Variants in CDH19 observed in about 807,000 individuals in gnomAD.
The protein encoded by CDH19 is cadherin-19.
In CDH19, 67 loss-of-function variants were observed where a neutral mutation model predicts 64.2. The observed-to-expected ratio is 1.04, with a 90% CI of 0.86 to 1.28. CDH19 has a LOEUF of 1.28. Ranked by LOEUF, CDH19 falls within the 50% of genes most tolerant of loss-of-function variation. The pLI is 0.00. For missense variants in CDH19, 1,030 were observed against 929.0 expected (o/e 1.11, Z -1.41); for synonymous variants, 346 against 319.3 (o/e 1.08, Z -0.89).
At chr18:66,535,440 C>A (rs78611045) in intron 7 of CDH19, among the ~76,000 whole-genome samples, 7 of 151,022 alleles carry the variant, frequency 4.6e-5, no homozygotes, top group Non-Finnish European at 1.0e-4. Context: ...GTGTTGCTTG[C>A]GAATCTGTTC....
rs1985095099 is a variant in CDH19, at chr18:66,504,711, A to C, written c.*101T>G. The C allele has an allele frequency of 8.1e-7, 1 of 1,242,088 alleles. No homozygotes were observed. Among genetic ancestry groups the C allele is most frequent in the African/African-American group, 1.5e-5 (1 of 66,040 alleles). 76.9% of individuals were successfully genotyped at this position (1,242,088 alleles called of 1,614,324 possible). ...GGGAAATCAGAAAACTCCATAGACT[A>C]GGGCTTTCCCCGCCATAGAGCCAGG... On this transcript the variant is annotated 3_prime_UTR_variant, in exon 12 of 12. Coordinates refer to ENST00000262150, the MANE Select transcript of CDH19 (RefSeq NM_021153.4).
chr18:66,556,712 C>A (rs925920691), intron 3 of CDH19, among the ~76,000 whole-genome samples: 1 of 151,698 alleles, frequency 6.6e-6, no homozygotes, highest in Non-Finnish European at 1.5e-5. Context: ...AACTCAATAG[C>A]AAAAAGCCAA....
chr18:66,593,580 T>C (rs1330782042), intron 1 of CDH19, among the ~76,000 whole-genome samples: 1 of 152,074 alleles, frequency 6.6e-6, no homozygotes, highest in African/African-American at 2.4e-5. Context: ...CATCACATTG[T>C]ATTAAAAAAT....
intron 1 of CDH19, among the ~76,000 whole-genome samples, chr18:66,576,015 C>T (rs562129788): frequency 6.6e-6 from 1 of 151,352 alleles, no homozygotes; most frequent in Non-Finnish European, 1.5e-5. Flanking sequence ...GGTACATGCG[C>T]ATATAATAAA....
intron 1 of CDH19, among the ~76,000 whole-genome samples, chr18:66,586,441 T>C (rs933371345): frequency 1.3e-5 from 2 of 151,774 alleles, no homozygotes; most frequent in African/African-American, 4.8e-5. Context: ...GTGAAACAAA[T>C]AGGAACACAT....
intron 1 of CDH19, among the ~76,000 whole-genome samples, chr18:66,590,377 G>T (rs1041611277): frequency 6.6e-6 from 1 of 151,804 alleles, no homozygotes; most frequent in Admixed American, 6.6e-5. Context: ...TATAAATGCA[G>T]ATACTGAGCA....
chr18:66,560,765 T>C (rs1052527941), intron 3 of CDH19, among the ~76,000 whole-genome samples: 26 of 152,042 alleles, frequency 1.7e-4, no homozygotes, highest in Admixed American at 1.6e-3. Context: ...GATAAGAACA[T>C]GAAGCATGGT....
intron 11 of CDH19, among the ~76,000 whole-genome samples, chr18:66,506,088 G>A (rs1985185147): frequency 6.6e-6 from 1 of 151,970 alleles, no homozygotes; most frequent in East Asian, 1.9e-4. Flanking sequence ...AGCACTGCAT[G>A]ATCTCACTTA....
chr18:66,511,501 A>C, intron 10 of CDH19, 67 bp downstream of exon 10: 1 of 695,322 alleles, frequency 1.4e-6, no homozygotes, highest in Non-Finnish European at 2.6e-6. Context: ...CCATGCCATA[A>C]ATTCCATTAA....
chr18:66,511,729 GGAA>G (rs761399569), intron 9 of CDH19, 44 bp from the exon 10 acceptor site: 44 of 882,090 alleles, frequency 5.0e-5, no homozygotes, highest in East Asian at 4.7e-4. Context: ...TTTGGATTCA[GGAA>G]GAAGATCACT....
intron 9 of CDH19, among the ~76,000 whole-genome samples, chr18:66,517,505 C>T (rs1985789797): frequency 6.6e-6 from 1 of 151,988 alleles, no homozygotes; most frequent in South Asian, 2.1e-4. Flanking sequence ...AAATTCTCTC[C>T]TACTCTTCCC....
intron 1 of CDH19, among the ~76,000 whole-genome samples, chr18:66,575,880 G>A (rs1407986974): frequency 1.3e-5 from 2 of 151,678 alleles, no homozygotes; most frequent in East Asian, 1.9e-4. Context: ...GTATTGTGGA[G>A]CATACATCAT....
At position 66,596,858 on chromosome 18, in the gene CDH19, G is replaced by A. The variant is rs570941342; in HGVS notation, c.-113+7096C>T. Among the ~76,000 whole-genome samples the A allele has an allele frequency of 1.7e-3, 259 of 151,388 alleles. 2 individuals are homozygous for A. The highest frequency in any genetic ancestry group is 4.1e-3 in the Admixed American group (63 of 15,210). ...AGCACTTTGGGAGGCCGAGGCGGGC[G>A]GATCACGAGGTCAGGAGATCGAGAC... On this transcript the variant is annotated intron_variant, in intron 1 of 11. Coordinates refer to ENST00000262150, the MANE Select transcript of CDH19 (RefSeq NM_021153.4).
chr18:66,519,077 T>C (rs1043864907), intron 9 of CDH19, among the ~76,000 whole-genome samples: 6 of 152,128 alleles, frequency 3.9e-5, no homozygotes, highest in African/African-American at 1.4e-4. Flanking sequence ...TAACTTTTGT[T>C]TTTTACTTTG....
At chr18:66,531,462 C>A (rs1292219392) in intron 8 of CDH19, among the ~76,000 whole-genome samples, 1 of 151,860 alleles carries the variant, frequency 6.6e-6, no homozygotes, top group East Asian at 1.9e-4. Flanking sequence ...ACTAAAAATC[C>A]AAAAAAATTA....
At chr18:66,515,833 T>A (rs1220439403) in intron 9 of CDH19, among the ~76,000 whole-genome samples, 1 of 151,860 alleles carries the variant, frequency 6.6e-6, no homozygotes, top group East Asian at 1.9e-4. Context: ...ATCTTAAATG[T>A]ATCCATTTAA....
Position 66,534,997 on chromosome 18 carries a change from G to A in CDH19, c.1325C>T (p.Ala442Val). Reference protein sequence around the residue: ...ISAWYNLSITATEKYNIEQIS... With the variant: ...ISAWYNLSITVTEKYNIEQIS... Reference sequence around the variant, plus strand: ...AAATGAGTACTTACATTTTTCTGTGGCTGTAATACTTAGGTTGTACCAAGC... The same window carrying A: ...AAATGAGTACTTACATTTTTCTGTGACTGTAATACTTAGGTTGTACCAAGC... The change falls in exon 8 of 12, where the codon GCC becomes GTC. Residue 442 changes from alanine to valine, a missense_variant. Coordinates refer to ENST00000262150, the MANE Select transcript of CDH19 (RefSeq NM_021153.4). The A allele has an allele frequency of 6.9e-7, 1 of 1,457,820 alleles. No individual in the cohort carries two copies. The allele number at this position is 1,457,820 out of a possible 1,614,324, so 90.3% of individuals were successfully genotyped here.
At chr18:66,532,841 C>T (rs1015823492) in intron 8 of CDH19, 32 of 390,612 alleles carry the variant, frequency 8.2e-5, no homozygotes, top group Admixed American at 5.8e-4. Context: ...CAAATACAGG[C>T]GGTCACTCCA....
chr18:66,540,898 A>C (rs1986862536), intron 7 of CDH19, among the ~76,000 whole-genome samples: 1 of 152,166 alleles, frequency 6.6e-6, no homozygotes, highest in East Asian at 1.9e-4. Flanking sequence ...TTTCTTATGA[A>C]GTTCTTAATA....
Sources: gnomAD v4.1 joint callset for allele counts (sites outside exome capture counted in the v4.1 genomes callset) on GRCh38, gnomAD v4.1.1 for gene constraint, MANE v1.5 for transcripts, NCBI Gene and HGNC (gene_info 2026-07-23, HGNC 2026-07-21) for gene names.